Variants in ARHGAP35 observed in about 807,000 individuals in gnomAD.
ARHGAP35 encodes the protein Rho GTPase activating protein 35.
ARHGAP35 carries 15 observed loss-of-function variants against 111.1 expected under a neutral mutation model. The observed-to-expected ratio is 0.13, with a 90% CI of 0.09 to 0.21. The LOEUF is 0.21. ARHGAP35 is among the 10% of genes least tolerant of loss of function. ARHGAP35 has a pLI of 1.00. For synonymous variants in ARHGAP35, 643 were observed against 710.3 expected, an observed-to-expected ratio of 0.91 and a Z score of 1.51; for missense variants, 1,262 against 1,873.0, an observed-to-expected ratio of 0.67 and a Z score of 6.02.
chr19:46,967,501 G>A (rs2122284887), intron 3 of ARHGAP35, among the ~76,000 whole-genome samples: 1 of 152,226 alleles, frequency 6.6e-6, no homozygotes, highest in East Asian at 1.9e-4. Flanking sequence ...GGTTTACTGT[G>A]GTAGCCTCTT....
intron 3 of ARHGAP35, among the ~76,000 whole-genome samples, chr19:46,985,468 G>A (rs1362428655): frequency 1.3e-5 from 2 of 152,198 alleles, no homozygotes; most frequent in East Asian, 3.8e-4. Flanking sequence ...CAGTGGCAGA[G>A]TCCCCGGACT....
chr19:46,955,265 A>T (rs141218908), intron 3 of ARHGAP35, among the ~76,000 whole-genome samples: 1 of 152,354 alleles, frequency 6.6e-6, no homozygotes, highest in East Asian at 1.9e-4. Flanking sequence ...AAGTATAGGT[A>T]TTAATGATAA....
At chr19:46,923,949 ATG>A (rs2056223821) in intron 2 of ARHGAP35, among the ~76,000 whole-genome samples, 1 of 151,712 alleles carries the variant, frequency 6.6e-6, no homozygotes, top group African/African-American at 2.4e-5. Context: ...AGGAAAAAAA[ATG>A]TGTATATATA....
rs2056648831 is a variant in ARHGAP35, at chr19:46,986,169, G to A, written c.3827-1820G>A. On this transcript the variant is annotated intron_variant, in intron 3 of 6. Transcript: ENST00000672722. This position sits in a 1 kb window ranked among gnomAD's most constrained non-coding sequence, Gnocchi z 4.3. ...GAGACCCCATGTCAGTTTTCACAGT[G>A]ACTTCACTGTCCTTTCGACAAAGTC... Among the ~76,000 whole-genome samples the A allele has an allele frequency of 6.6e-6, 1 of 152,158 alleles. No homozygotes were observed. The highest frequency in any genetic ancestry group is 6.5e-5 in the Admixed American group (1 of 15,278).
intron 3 of ARHGAP35, among the ~76,000 whole-genome samples, chr19:46,973,329 A>C (rs962640107): frequency 6.6e-6 from 1 of 151,788 alleles, no homozygotes; most frequent in African/African-American, 2.4e-5. Flanking sequence ...GTGCCGCTGC[A>C]CTCCAGCCTG....
At chr19:46,889,417 C>G (rs1052691002) in intron 1 of ARHGAP35, among the ~76,000 whole-genome samples, 2 of 152,238 alleles carry the variant, frequency 1.3e-5, no homozygotes, top group Middle Eastern at 6.8e-3. Context: ...TAAGATCGCA[C>G]CACTGCACTC....
At chr19:46,900,440 C>G (rs1568463256) in intron 1 of ARHGAP35, among the ~76,000 whole-genome samples, 1 of 152,104 alleles carries the variant, frequency 6.6e-6, no homozygotes. Context: ...AGGCTGGTCT[C>G]GAACTCGTGG....
intron 5 of ARHGAP35, among the ~76,000 whole-genome samples, chr19:46,991,820 C>T (rs375155021): frequency 6.6e-6 from 1 of 152,332 alleles, no homozygotes; most frequent in African/African-American, 2.4e-5. Context: ...CCCAAAGTAG[C>T]TCTTCCCAGA....
intron 3 of ARHGAP35, among the ~76,000 whole-genome samples, chr19:46,971,908 A>G (rs1163202021): frequency 6.6e-6 from 1 of 152,206 alleles, no homozygotes; most frequent in Non-Finnish European, 1.5e-5. Flanking sequence ...AACACTGATG[A>G]GTGGTGCACA....
At chr19:46,868,850 AATAC>A (rs1442660318) in intron 1 of ARHGAP35, among the ~76,000 whole-genome samples, 1 of 151,798 alleles carries the variant, frequency 6.6e-6, no homozygotes, top group Admixed American at 6.6e-5. Flanking sequence ...TACAGATAGA[AATAC>A]ATCTTTCCTC....
intron 1 of ARHGAP35, among the ~76,000 whole-genome samples, chr19:46,862,246 TC>T (rs1327965083): frequency 6.6e-6 from 1 of 152,140 alleles, no homozygotes; most frequent in Non-Finnish European, 1.5e-5. Flanking sequence ...TTTCTGCTAT[TC>T]ACTTAAATGA....
intron 1 of ARHGAP35, among the ~76,000 whole-genome samples, chr19:46,882,125 CTTCT>C (rs1400313495): frequency 6.6e-6 from 1 of 151,140 alleles, no homozygotes; most frequent in Non-Finnish European, 1.5e-5. Context: ...ACCACTCAAA[CTTCT>C]TTCTTTCCCT....
rs969721726 is a variant in ARHGAP35 at position 46,992,510 on chromosome 19, C to T, written c.4036+2835C>T. ...GTAGCCCACCCCCACCTTCAAGAGT[C>T]GCTCTTGCCTGGTTTCTCCCCGTCT... is the stretch of plus-strand genomic sequence containing the variant. On this transcript the variant is annotated intron_variant, in intron 5 of 6. Coordinates refer to ENST00000672722, the MANE Select transcript of ARHGAP35 (RefSeq NM_004491.5). The surrounding 1 kb of genome is among the most constrained non-coding windows in gnomAD (Gnocchi z 4.4). 9.9e-5 allele frequency among the ~76,000 whole-genome samples: 15 copies of T among 151,980 alleles called. No homozygotes were observed. The highest frequency in any genetic ancestry group is 2.4e-4 in the African/African-American group (10 of 41,382).
chr19:46,998,243 C>G (rs2056725637), intron 5 of ARHGAP35, among the ~76,000 whole-genome samples: 1 of 152,192 alleles, frequency 6.6e-6, no homozygotes, highest in South Asian at 2.1e-4. Context: ...AGCCCGAGCC[C>G]CCGGGCCCAT....
intron 1 of ARHGAP35, among the ~76,000 whole-genome samples, chr19:46,897,371 A>T (rs1443501250): frequency 6.6e-6 from 1 of 151,638 alleles, no homozygotes; most frequent in African/African-American, 2.4e-5. Context: ...AAGCTGGGTT[A>T]GCAAATGCAG....
intron 3 of ARHGAP35, among the ~76,000 whole-genome samples, chr19:46,975,779 C>CA (rs1208141780): frequency 5.3e-5 from 8 of 152,110 alleles, no homozygotes; most frequent in African/African-American, 1.9e-4. Flanking sequence ...AGCCACCCTG[C>CA]AAAAAACCTC....
chr19:46,944,009 G>C (rs1287618918), intron 3 of ARHGAP35, among the ~76,000 whole-genome samples: 1 of 152,094 alleles, frequency 6.6e-6, no homozygotes. Context: ...GATTACAAAA[G>C]TAATAGATGG....
chr19:46,998,475 C>T (rs2056727886), intron 5 of ARHGAP35, among the ~76,000 whole-genome samples: 1 of 152,236 alleles, frequency 6.6e-6, no homozygotes, highest in African/African-American at 2.4e-5. Context: ...GCCCCGATGC[C>T]CTTCCCAGTC....
At chr19:46,861,882 C>T (rs77600247) in intron 1 of ARHGAP35, among the ~76,000 whole-genome samples, 2 of 151,604 alleles carry the variant, frequency 1.3e-5, no homozygotes, top group Non-Finnish European at 2.9e-5. Context: ...AGGTCTTCCC[C>T]TTGGACTGAA....
Sources: gnomAD v4.1 joint callset for allele counts (sites outside exome capture counted in the v4.1 genomes callset) on GRCh38, gnomAD v4.1.1 for gene constraint, Gnocchi (gnomAD v3.1) non-coding constraint, MANE v1.5 for transcripts, NCBI Gene and HGNC (gene_info 2026-07-23, HGNC 2026-07-21) for gene names.